Variants in MYO16 observed in about 807,000 individuals in gnomAD.
The protein encoded by MYO16 is myosin XVI, also known as unconventional myosin-XVI.
In MYO16, 94 loss-of-function variants were observed where a neutral mutation model predicts 205.3. That is an observed-to-expected ratio of 0.46 (90% CI 0.39 to 0.54). The LOEUF is 0.54. Ranked by LOEUF, MYO16 falls within the 20% of genes least tolerant of loss-of-function variation. The pLI is 0.00. For synonymous variants in MYO16, 988 were observed against 954.0 expected, an observed-to-expected ratio of 1.04 and a Z score of -0.66; for missense variants, 2,315 against 2,387.5, an observed-to-expected ratio of 0.97 and a Z score of 0.63.
intron 2 of MYO16, among the ~76,000 whole-genome samples, chr13:108,702,436 C>A (rs1287882557): frequency 1.3e-5 from 2 of 152,134 alleles, no homozygotes; most frequent in African/African-American, 4.8e-5. Context: ...GCCAAGAATT[C>A]TATATCCATG....
chr13:108,761,687 A>G (rs1345018716), intron 4 of MYO16, among the ~76,000 whole-genome samples: 1 of 152,206 alleles, frequency 6.6e-6, no homozygotes, highest in African/African-American at 2.4e-5. Flanking sequence ...CCAAGTTTAC[A>G]CAGGTAGTAA....
Position 108,647,514 on chromosome 13 carries a change from C to T in MYO16, c.28+17642C>T, listed in dbSNP as rs181845367. On this transcript the variant is annotated intron_variant, in intron 1 of 34. Coordinates refer to ENST00000457511, the MANE Select transcript of MYO16 (RefSeq NM_001198950.3). ...TTTTCAACTTTTCACCCTTATGTAT[C>T]TTTGCTTCTGCCAAACTGATAAGTG... Among the ~76,000 whole-genome samples the T allele has an allele frequency of 8.9e-4, 136 of 152,252 alleles. 4 individuals carry two copies. The highest frequency in any genetic ancestry group is 3.0e-3 in the African/African-American group (126 of 41,552).
chr13:108,939,478 T>C (rs567230814), intron 16 of MYO16, among the ~76,000 whole-genome samples: 4 of 152,336 alleles, frequency 2.6e-5, no homozygotes, highest in Admixed American at 2.6e-4. Context: ...TCTTCACAAT[T>C]CTGCTAGATT....
At chr13:109,106,381 G>A (rs887729766) in intron 28 of MYO16, among the ~76,000 whole-genome samples, 3 of 152,162 alleles carry the variant, frequency 2.0e-5, no homozygotes, top group Non-Finnish European at 2.9e-5. Context: ...CTCTGGAACT[G>A]TGTATAGTTA....
chr13:108,992,585 ATC>A (rs1198988291), intron 21 of MYO16, 137 bp downstream of exon 21: 4 of 560,674 alleles, frequency 7.1e-6, no homozygotes, highest in African/African-American at 2.0e-5. Context: ...TAAAATTAAT[ATC>A]TCTGGTTTAT....
intron 3 of MYO16, among the ~76,000 whole-genome samples, chr13:108,716,879 T>A (rs575980965): frequency 6.6e-6 from 1 of 152,344 alleles, no homozygotes; most frequent in African/African-American, 2.4e-5. Flanking sequence ...ATCTTATTTT[T>A]AATAAAATTT....
At chr13:108,910,494 G>C (rs911749497) in intron 16 of MYO16, among the ~76,000 whole-genome samples, 6 of 152,212 alleles carry the variant, frequency 3.9e-5, no homozygotes, top group Non-Finnish European at 7.3e-5. Flanking sequence ...TGTTATTTGA[G>C]TAAGTATGAT....
At chr13:108,895,493 G>A (rs1353611849) in intron 14 of MYO16, among the ~76,000 whole-genome samples, 1 of 152,178 alleles carries the variant, frequency 6.6e-6, no homozygotes, top group African/African-American at 2.4e-5. Context: ...GGATGACAAC[G>A]TACAGTGAAA....
At chr13:108,676,962 C>T (rs1882240786) in intron 2 of MYO16, among the ~76,000 whole-genome samples, 1 of 152,108 alleles carries the variant, frequency 6.6e-6, no homozygotes, top group Non-Finnish European at 1.5e-5. Context: ...GCAGCATTGC[C>T]AACACGAATT....
chr13:109,193,992 C>T (rs1229501257), intron 34 of MYO16, among the ~76,000 whole-genome samples: 1 of 152,168 alleles, frequency 6.6e-6, no homozygotes, highest in East Asian at 1.9e-4. Context: ...GGCCATACTG[C>T]CTTTAAATGT....
At chr13:108,863,544 T>A (rs1211538075) in intron 11 of MYO16, among the ~76,000 whole-genome samples, 1 of 152,128 alleles carries the variant, frequency 6.6e-6, no homozygotes, top group African/African-American at 2.4e-5. Flanking sequence ...AATAAAGCTA[T>A]TTGAGGTGTA....
At chr13:108,695,237 T>C (rs1442408392) in intron 2 of MYO16, among the ~76,000 whole-genome samples, 1 of 151,954 alleles carries the variant, frequency 6.6e-6, no homozygotes, top group Non-Finnish European at 1.5e-5. Flanking sequence ...TTATTTTGCA[T>C]GTGGATATCC....
At chr13:108,726,294 T>C (rs1337025328) in intron 3 of MYO16, among the ~76,000 whole-genome samples, 1 of 151,950 alleles carries the variant, frequency 6.6e-6, no homozygotes, top group Non-Finnish European at 1.5e-5. Flanking sequence ...GGTGTGGTGG[T>C]TCTCGCCTGT....
chr13:108,885,939 G>T (rs1294006304), intron 13 of MYO16, among the ~76,000 whole-genome samples: 2 of 152,038 alleles, frequency 1.3e-5, no homozygotes, highest in Non-Finnish European at 2.9e-5. Context: ...TTTGCTCATG[G>T]AACTTTTTAT....
At chr13:108,979,508 AAAT>A (rs1884383753) in intron 20 of MYO16, among the ~76,000 whole-genome samples, 1 of 152,086 alleles carries the variant, frequency 6.6e-6, no homozygotes, top group Non-Finnish European at 1.5e-5. Flanking sequence ...TTTTACCATT[AAAT>A]AATGAGATTT....
chr13:109,046,072 T>TCCTTGCCCTCCCTCATGGCG (rs1566479313), intron 23 of MYO16, among the ~76,000 whole-genome samples: 54 of 152,128 alleles, frequency 3.5e-4, no homozygotes, highest in African/African-American at 1.2e-3. Flanking sequence ...CCCTCATGGC[T>TCCTTGCCCTCCCTCATGGCG]GATGCTCACC....
intron 27 of MYO16, among the ~76,000 whole-genome samples, chr13:109,078,821 C>T (rs1159103204): frequency 6.6e-6 from 1 of 152,144 alleles, no homozygotes; most frequent in Non-Finnish European, 1.5e-5. Flanking sequence ...ACGCAGTGCC[C>T]ATGAATTACA....
intron 9 of MYO16, among the ~76,000 whole-genome samples, chr13:108,836,995 G>A (rs779183236): frequency 1.3e-5 from 2 of 152,182 alleles, no homozygotes; most frequent in Non-Finnish European, 2.9e-5. Flanking sequence ...TGTTTGAAAT[G>A]TGAGAACATG....
intron 1 of MYO16, among the ~76,000 whole-genome samples, chr13:108,663,723 A>G (rs567503515): frequency 2.9e-4 from 44 of 152,316 alleles, no homozygotes; most frequent in Non-Finnish European, 5.1e-4. Context: ...GACGCTTCTT[A>G]AGAGTTACAA....
Sources: allele counts gnomAD v4.1 joint callset (sites outside exome capture counted in the v4.1 genomes callset), GRCh38; gene constraint gnomAD v4.1.1; transcripts MANE v1.5; gene names NCBI Gene and HGNC (gene_info 2026-07-23, HGNC 2026-07-21).